The following ZNF644 variants were observed in gnomAD, a reference collection of about 807,000 sequenced individuals.
ZNF644 encodes the protein zinc finger protein 644.
In ZNF644, 20 loss-of-function variants were observed where a neutral mutation model predicts 108.0. That is an observed-to-expected ratio of 0.19 (90% CI 0.13 to 0.27). The LOEUF (loss-of-function observed/expected upper bound fraction) is 0.27. ZNF644 is among the 10% of genes least tolerant of loss of function. The pLI is 1.00. For missense variants in ZNF644, 1,338 were observed against 1,548.9 expected (o/e 0.86, Z 2.29); for synonymous variants, 542 against 539.1 (o/e 1.01, Z -0.08).
At chr1:90,925,547 A>G (rs1649932468) in intron 4 of ZNF644, among the ~76,000 whole-genome samples, 1 of 151,852 alleles carries the variant, frequency 6.6e-6, no homozygotes, top group African/African-American at 2.4e-5. Flanking sequence ...CATAGCAAAC[A>G]CAAACATTAT....
chr1:91,013,426 C>G (rs752459453), intron 1 of ZNF644, among the ~76,000 whole-genome samples: 4 of 150,640 alleles, frequency 2.7e-5, no homozygotes, highest in Non-Finnish European at 4.4e-5. Flanking sequence ...TAGGCACCCT[C>G]CAATATATAT....
In ZNF644 at chr1:90,966,857, G is replaced by A. The variant is rs181572609; in HGVS notation, c.44+15453C>T. Among the ~76,000 whole-genome samples, 32 of 152,052 alleles carry A rather than the reference G, an allele frequency of 2.1e-4. No individual in the cohort carries two copies. The Middle Eastern group carries it at 0.031, about 146-fold the overall frequency. On this transcript the variant is annotated intron_variant, in intron 2 of 5. Coordinates refer to ENST00000337393, the MANE Select transcript of ZNF644 (RefSeq NM_201269.3). ...AGTAAGTAAGAGCTGAGCAGCTCAC[G>A]TGATAGGAGCACTTTGGGAGGCTGA... is the stretch of plus-strand genomic sequence containing the variant.
At chr1:90,997,633 T>C (rs1658282278) in intron 1 of ZNF644, among the ~76,000 whole-genome samples, 2 of 152,220 alleles carry the variant, frequency 1.3e-5, no homozygotes, top group South Asian at 2.1e-4. Context: ...GTGTGAGCGA[T>C]GCAGAACACA....
chr1:90,965,755 T>TCC, intron 2 of ZNF644, among the ~76,000 whole-genome samples: 2 of 152,096 alleles, frequency 1.3e-5, no homozygotes, highest in South Asian at 4.1e-4. Context: ...CCACTAACTC[T>TCC]CTCTTTTTTT....
intron 2 of ZNF644, among the ~76,000 whole-genome samples, chr1:90,941,994 A>AT (rs1652044023): frequency 6.6e-6 from 1 of 152,142 alleles, no homozygotes; most frequent in East Asian, 1.9e-4. Flanking sequence ...TTCATTCCTT[A>AT]TTCAAATTAA....
intron 2 of ZNF644, among the ~76,000 whole-genome samples, chr1:90,941,623 A>G (rs1229946646): frequency 6.6e-6 from 1 of 152,180 alleles, no homozygotes; most frequent in African/African-American, 2.4e-5. Flanking sequence ...ATGTATACAC[A>G]GACTCAAAAA....
chr1:90,996,757 A>C (rs1345156394), intron 1 of ZNF644, among the ~76,000 whole-genome samples: 1 of 152,206 alleles, frequency 6.6e-6, no homozygotes, highest in African/African-American at 2.4e-5. Flanking sequence ...CTCCAGCCTG[A>C]GCACAGAGCC....
At chr1:90,924,587 A>G (rs1358695452) in intron 4 of ZNF644, among the ~76,000 whole-genome samples, 2 of 152,280 alleles carry the variant, frequency 1.3e-5, no homozygotes, top group South Asian at 2.1e-4. Flanking sequence ...AATCATATTT[A>G]CCTTAAATTA....
chr1:90,975,912 A>T (rs1655964489), intron 2 of ZNF644, among the ~76,000 whole-genome samples: 2 of 152,190 alleles, frequency 1.3e-5, no homozygotes, highest in Non-Finnish European at 2.9e-5. Flanking sequence ...AATAATGATG[A>T]GTATGAAGGC....
Position 90,940,858 on chromosome 1 carries a change from G to C in ZNF644, c.496C>G (p.Pro166Ala). 1 of 1,613,974 alleles carries C rather than the reference G, an allele frequency of 6.2e-7. No homozygotes were observed. Among genetic ancestry groups the C allele is most frequent in the Non-Finnish European group, 8.5e-7 (1 of 1,179,958 alleles). The change falls in exon 3 of 6, where the codon CCA becomes GCA. Residue 166 changes from proline to alanine, a missense_variant. By Grantham distance (27) the Pro-to-Ala change is conservative. This residue lies in a region of ZNF644 where 464 missense variants were observed against 457.9 expected (regional missense o/e 1.01). Coordinates refer to ENST00000337393, the MANE Select transcript of ZNF644 (RefSeq NM_201269.3). ...KVAADLQLST[P>A]QKASQHQVLF... is the part of the protein sequence containing the mutation. ...ACTTGGTGTTGACTTGCTTTCTGTG[G>C]TGTAGACAGCTGAAGATCAGCTGCT...
intron 4 of ZNF644, among the ~76,000 whole-genome samples, chr1:90,933,746 T>G (rs1028804975): frequency 6.6e-6 from 1 of 152,190 alleles, no homozygotes; most frequent in Non-Finnish European, 1.5e-5. Context: ...TTTCTTATTT[T>G]AAAAATAAGA....
At position 90,938,211 on chromosome 1, in the gene ZNF644, T is replaced by C. The variant is rs1032136594; in HGVS notation, c.3082+61A>G. On this transcript the variant is annotated intron_variant, in intron 3 of 5. Transcript: ENST00000337393. The surrounding 1 kb of genome is among the most constrained non-coding windows in gnomAD (Gnocchi z 4.2). ...TAAAGACTAAATTCAAAAAAAACTT[T>C]TAAATCTTCAGAATTAGAACACAGA... 12 of 1,612,734 alleles carry C rather than the reference T, an allele frequency of 7.4e-6. No individual in the cohort carries two copies. Among genetic ancestry groups the C allele is most frequent in the East Asian group, 2.2e-5 (1 of 44,868 alleles).
Position 90,917,924 on chromosome 1 carries a change from A to G in ZNF644, c.3791+128T>C, listed in dbSNP as rs79593564. 4,748 of 788,264 alleles carry G rather than the reference A, an allele frequency of 6.0e-3. 131 individuals carry two copies. The African/African-American group carries it at 0.071, about 12-fold the overall frequency. The allele number at this position is 788,264 out of a possible 1,614,324, so 48.8% of individuals were successfully genotyped here. ...ATTAAGATTTTAAGCCTATCTCCAA[A>G]AGTTCATTTATAACTTGATTGTTGA... On this transcript the variant is annotated intron_variant, in intron 5 of 5. Transcript: ENST00000337393.
chr1:90,937,983 G>C lies in ZNF644; in HGVS notation c.3190C>G (p.Leu1064Val). Residue 1064 changes from leucine to valine, a missense_variant, in exon 4 of 6, where the codon CTT becomes GTT. Leu to Val is a conservative substitution (Grantham distance 32, BLOSUM62 1). Coordinates refer to ENST00000337393, the MANE Select transcript of ZNF644 (RefSeq NM_201269.3). ...TGAGCATCCCATTTCGTCTTTCCAA[G>C]TCTTTTCAAGTGGCCTCTAACATGA... is the stretch of plus-strand genomic sequence containing the variant. ...SNHVRGHLKR[L>V]GKTKWDAHKS... The C allele has an allele frequency of 6.2e-7, 1 of 1,612,054 alleles. No homozygotes were observed. Among genetic ancestry groups the C allele is most frequent in the African/African-American group, 1.3e-5 (1 of 74,940 alleles).
intron 4 of ZNF644, among the ~76,000 whole-genome samples, chr1:90,919,408 A>C (rs372687115): frequency 5.9e-5 from 9 of 152,186 alleles, no homozygotes; most frequent in African/African-American, 2.2e-4. Context: ...CCAGATTCCA[A>C]AAGAATAGAT....
intron 4 of ZNF644, among the ~76,000 whole-genome samples, chr1:90,921,883 C>G (rs761552642): frequency 6.6e-6 from 1 of 152,042 alleles, no homozygotes. Flanking sequence ...ATGACCATGA[C>G]GACAACAACA....
intron 2 of ZNF644, among the ~76,000 whole-genome samples, chr1:90,958,766 G>A (rs1373332711): frequency 3.9e-5 from 6 of 152,118 alleles, no homozygotes; most frequent in South Asian, 2.1e-4. Context: ...GGATAACCAC[G>A]TGCAAAAGAA....
At chr1:90,998,367 C>T (rs183488834) in intron 1 of ZNF644, among the ~76,000 whole-genome samples, 87 of 152,352 alleles carry the variant, frequency 5.7e-4, no homozygotes, top group Middle Eastern at 3.4e-3. Context: ...AATGATCAGG[C>T]AGCAACATTT....
intron 1 of ZNF644, among the ~76,000 whole-genome samples, chr1:91,001,414 A>T (rs1453799026): frequency 4.6e-5 from 7 of 152,214 alleles, no homozygotes. Context: ...CCAGCATATA[A>T]ACAGAACCAA....
Sources: gnomAD v4.1 joint callset for allele counts (sites outside exome capture counted in the v4.1 genomes callset) on GRCh38, gnomAD v4.1.1 for gene constraint, gnomAD v4.1.1 regional missense constraint, Gnocchi (gnomAD v3.1) non-coding constraint, MANE v1.5 for transcripts, NCBI Gene and HGNC (gene_info 2026-07-23, HGNC 2026-07-21) for gene names.